The following XRRA1 variants were observed in gnomAD, a reference collection of about 807,000 sequenced individuals.
XRRA1 encodes the protein X-ray radiation resistance associated 1.
A neutral mutation model predicts 80.2 loss-of-function variants in XRRA1; 69 were observed. That is an observed-to-expected ratio of 0.86 (90% CI 0.71 to 1.05). XRRA1 has a LOEUF of 1.05. Ranked by LOEUF, XRRA1 falls within the 50% of genes least tolerant of loss-of-function variation. The pLI, the probability that XRRA1 is intolerant of heterozygous loss-of-function variation, is 0.00. For synonymous variants in XRRA1, 348 were observed against 389.9 expected (o/e 0.89, Z 1.27); for missense variants, 967 against 976.4 (o/e 0.99, Z 0.13).
intron 3 of XRRA1, among the ~76,000 whole-genome samples, chr11:74,938,702 T>C (rs577090867): frequency 3.1e-4 from 47 of 152,256 alleles, no homozygotes; most frequent in African/African-American, 1.1e-3. Context: ...ACCCAATGAA[T>C]TGAAAGACAT....
At chr11:74,944,592 T>C (rs1247538156) in intron 2 of XRRA1, among the ~76,000 whole-genome samples, 1 of 152,234 alleles carries the variant, frequency 6.6e-6, no homozygotes, top group East Asian at 1.9e-4. Flanking sequence ...GCTTGTCTTA[T>C]GTATTCCTAC....
intron 1 of XRRA1, among the ~76,000 whole-genome samples, chr11:74,947,714 T>C (rs920580500): frequency 1.3e-5 from 2 of 152,194 alleles, no homozygotes; most frequent in African/African-American, 4.8e-5. Flanking sequence ...CTGATGTTAT[T>C]GCTATTTAGT....
intron 10 of XRRA1, among the ~76,000 whole-genome samples, chr11:74,894,984 C>G (rs368613152): frequency 1.3e-5 from 2 of 152,092 alleles, no homozygotes; most frequent in Non-Finnish European, 2.9e-5. Context: ...TATCAGTAAC[C>G]AAAGAGGGCA....
At chr11:74,905,338 T>A (rs939713797) in intron 10 of XRRA1, among the ~76,000 whole-genome samples, 4 of 152,180 alleles carry the variant, frequency 2.6e-5, no homozygotes, top group Non-Finnish European at 1.5e-5. Flanking sequence ...CCAAAATAAC[T>A]GCCACTGTGC....
At chr11:74,899,769 C>G (rs949601267) in intron 10 of XRRA1, among the ~76,000 whole-genome samples, 8 of 152,098 alleles carry the variant, frequency 5.3e-5, no homozygotes, top group Non-Finnish European at 1.0e-4. Context: ...TAAAAAGTCT[C>G]CCAGTAAAGA....
intron 13 of XRRA1, among the ~76,000 whole-genome samples, 168 bp downstream of exon 13, chr11:74,851,821 G>A (rs1241973022): frequency 6.6e-6 from 1 of 152,190 alleles, no homozygotes; most frequent in East Asian, 1.9e-4. Flanking sequence ...GTTACTGTCA[G>A]GAAGCGCTGG....
In XRRA1 at chr11:74,843,334, G is replaced by A. The variant is rs374342291; in HGVS notation, c.2269C>T (p.Arg757Cys). 62 of 1,608,664 alleles carry A rather than the reference G, an allele frequency of 3.9e-5. No individual in the cohort carries two copies. Among genetic ancestry groups the A allele is most frequent in the Admixed American group, 2.7e-4 (16 of 59,236 alleles). Reference protein sequence around the residue: ...RYRQLVSGSLRTVFGTTPLPM... With the variant: ...RYRQLVSGSLCTVFGTTPLPM... Reference sequence around the variant, plus strand: ...AGCGGGGTAGTCCCGAACACTGTGCGCAGAGAGCCACTCACCAGCTGCCGG... The same window carrying A: ...AGCGGGGTAGTCCCGAACACTGTGCACAGAGAGCCACTCACCAGCTGCCGG... The change falls in exon 19 of 19, where the codon CGC becomes TGC. Residue 757 changes from arginine (R) to cysteine (C), a missense_variant. Transcript: ENST00000684022.
chr11:74,843,342 C>T lies in XRRA1; in HGVS notation c.2261G>A (p.Gly754Asp). Residue 754 changes from glycine to aspartate, a missense_variant, in exon 19 of 19, where the codon GGC (glycine) becomes GAC (aspartate). Transcript: ENST00000684022. ...AGTCCCGAACACTGTGCGCAGAGAG[C>T]CACTCACCAGCTGCCGGTAACGTGC... ...FQARYRQLVS[G>D]SLRTVFGTTP... The T allele has an allele frequency of 6.2e-7, 1 of 1,609,762 alleles. No individual in the cohort carries two copies. Among genetic ancestry groups the T allele is most frequent in the Non-Finnish European group, 8.5e-7 (1 of 1,178,176 alleles).
In XRRA1 at chr11:74,860,013, A is replaced by G. The variant is rs538960736; in HGVS notation, c.1045-730T>C. On this transcript the variant is annotated intron_variant, in intron 11 of 18. Coordinates refer to ENST00000684022, the MANE Select transcript of XRRA1 (RefSeq NM_001378157.1). ...GAGTTCGATGGGACCACAGGATATT[A>G]TAAGGGTAGATGCTGGGCTAATGGT... Among the ~76,000 whole-genome samples, 4 of 152,330 alleles carry G rather than the reference A, an allele frequency of 2.6e-5. No homozygotes were observed. The South Asian group carries it at 8.3e-4, about 32-fold the overall frequency.
intron 12 of XRRA1, among the ~76,000 whole-genome samples, 160 bp downstream of exon 12, chr11:74,858,998 T>C (rs569328746): frequency 2.8e-4 from 43 of 152,318 alleles, no homozygotes; most frequent in Middle Eastern, 3.4e-3. Flanking sequence ...ACTCCTGCCT[T>C]GGCCTGAACT....
At chr11:74,923,138 C>A (rs775165043) in intron 7 of XRRA1, among the ~76,000 whole-genome samples, 26 of 152,174 alleles carry the variant, frequency 1.7e-4, no homozygotes, top group Non-Finnish European at 3.5e-4. Context: ...GAGCTGTCCT[C>A]AGAGACCAGT....
chr11:74,927,631 A>T (rs1212652252), intron 6 of XRRA1, 143 bp from the exon 7 acceptor site: 6 of 502,536 alleles, frequency 1.2e-5, no homozygotes, highest in Non-Finnish European at 2.1e-5. Flanking sequence ...CTAAATCTCT[A>T]ACAACCCAGA....
chr11:74,885,220 C>A (rs541646748), intron 10 of XRRA1, among the ~76,000 whole-genome samples: 1 of 152,096 alleles, frequency 6.6e-6, no homozygotes, highest in African/African-American at 2.4e-5. Flanking sequence ...ACTGAGATCA[C>A]GCAACTGCGC....
Position 74,948,979 on chromosome 11 carries a change from A to G in XRRA1, c.-124T>C, listed in dbSNP as rs1410371740. ...GAGGGGTCTGCGGAGGCGACGTCCC[A>G]GTCAGGAGGGATGCGCGCCTGCGAG... On this transcript the variant is annotated 5_prime_UTR_variant, in exon 1 of 19. Transcript: ENST00000684022. 3.5e-6 allele frequency: 1 copy of G among 284,652 alleles called. No individual in the cohort carries two copies. The highest frequency in any genetic ancestry group is 5.2e-5 in the Admixed American group (1 of 19,398). The allele number at this position is 284,652 out of a possible 1,614,324, so 17.6% of individuals were successfully genotyped here.
At chr11:74,933,124 A>G (rs1944047983) in intron 5 of XRRA1, 1 of 152,238 alleles carries the variant, frequency 6.6e-6, no homozygotes, top group Admixed American at 6.5e-5. Flanking sequence ...GAAAACCATT[A>G]CAATTGCTGG....
rs199618264 is a variant in XRRA1 at position 74,859,210 on chromosome 11, G to A, written c.1118C>T (p.Thr373Met). 100 of 1,609,888 alleles carry A rather than the reference G, an allele frequency of 6.2e-5. No individual in the cohort carries two copies. Among genetic ancestry groups the A allele is most frequent in the East Asian group, 2.0e-4 (9 of 44,500 alleles). The change falls in exon 12 of 19, where the codon ACG (threonine) becomes ATG (methionine). Residue 373 changes from threonine (T) to methionine (M), a missense_variant. Coordinates refer to ENST00000684022, the MANE Select transcript of XRRA1 (RefSeq NM_001378157.1). ...PVKSLKARNQ[T>M]LAPPFPELRY... Reference sequence around the variant, plus strand: ...CAGCTCTGGGAAGGGTGGGGCCAGCGTCTGGTTCCTGGCCTTCAGTGACTT... The same window carrying A: ...CAGCTCTGGGAAGGGTGGGGCCAGCATCTGGTTCCTGGCCTTCAGTGACTT...
chr11:74,937,738 C>A (rs552525402), intron 3 of XRRA1, among the ~76,000 whole-genome samples: 81 of 152,180 alleles, frequency 5.3e-4, no homozygotes, highest in Non-Finnish European at 9.3e-4. Context: ...TGTTCTTTCT[C>A]GCACCAGCAG....
Position 74,841,584 on chromosome 11 carries a change from C to T in XRRA1, c.*1616G>A, listed in dbSNP as rs1218069905. 1 of 152,086 alleles carries T rather than the reference C, an allele frequency of 6.6e-6. No individual in the cohort carries two copies. The highest frequency in any genetic ancestry group is 2.4e-5 in the African/African-American group (1 of 41,390). 9.4% of individuals were successfully genotyped at this position (152,086 alleles called of 1,614,324 possible). A position where few individuals can be genotyped will look rare whatever the true frequency, so the allele number is the denominator to read the frequency against. ...TTTGTGAGTAAATGCCTCCTTAATG[C>T]CTTTTAAGTAAGGTGGCAACTTTTA... On this transcript the variant is annotated 3_prime_UTR_variant, in exon 19 of 19. Transcript: ENST00000684022.
rs1218765398 is a variant in XRRA1, at chr11:74,876,921, T to C, written c.1004-13900A>G. On this transcript the variant is annotated intron_variant, in intron 10 of 18. Coordinates refer to ENST00000684022, the MANE Select transcript of XRRA1 (RefSeq NM_001378157.1). ...TTTGATGCATACTTGTGGGAAGATT[T>C]TGATTATCCATGAGATTACAGTTGT... 4 of 152,212 alleles carry C rather than the reference T, an allele frequency of 2.6e-5. No homozygotes were observed. In the South Asian group the frequency reaches 8.3e-4, roughly 31 times the overall value. 9.4% of individuals were successfully genotyped at this position (152,212 alleles called of 1,614,324 possible).
Sources: allele counts gnomAD v4.1 joint callset (sites outside exome capture counted in the v4.1 genomes callset), GRCh38; gene constraint gnomAD v4.1.1; transcripts MANE v1.5; gene names NCBI Gene and HGNC (gene_info 2026-07-23, HGNC 2026-07-21).